The following ADGRV1 variants were observed in gnomAD, a reference collection of about 807,000 sequenced individuals.
ADGRV1 encodes G-protein coupled receptor 98.
In ADGRV1, 359 loss-of-function variants were observed where a neutral mutation model predicts 596.2. That is an observed-to-expected ratio of 0.60 (90% CI 0.55 to 0.66). The LOEUF (loss-of-function observed/expected upper bound fraction) is 0.66. Among genes scored for constraint, ADGRV1 ranks in the 30% least tolerant of loss-of-function variants. The pLI is 0.00. For missense variants in ADGRV1, 7,274 were observed against 7,575.6 expected (o/e 0.96, Z 1.48); for synonymous variants, 2,681 against 2,679.2 (o/e 1.00, Z -0.02).
intron 1 of ADGRV1, among the ~76,000 whole-genome samples, chr5:90,595,619 C>T: frequency 7.5e-6 from 1 of 132,946 alleles, no homozygotes; most frequent in African/African-American, 3.1e-5. Context: ...GGGGCTGACC[C>T]CCCCACCTCC....
Position 90,840,893 on chromosome 5 carries a change from A to G in ADGRV1, c.16927A>G (p.Ile5643Val), listed in dbSNP as rs771725146. Residue 5643 changes from isoleucine (I) to valine (V), a missense_variant, in exon 78 of 90, where the codon ATT becomes GTT. Physicochemically the swap from Ile to Val is conservative, Grantham distance 29. This residue lies in a region of ADGRV1 where 1,874 missense variants were observed against 1,970.2 expected (regional missense o/e 0.95). Transcript: ENST00000405460. ...GCTACATCAGCCTGTGAATGATGAT[A>G]TTCTCAACAGAGTGCTCCATACCAT... is the stretch of plus-strand genomic sequence containing the variant. ...DQLHQPVNDD[I>V]LNRVLHTISM... 1 of 1,596,324 alleles carries G rather than the reference A, an allele frequency of 6.3e-7. No homozygotes were observed. Among genetic ancestry groups the G allele is most frequent in the South Asian group, 1.1e-5 (1 of 87,978 alleles).
intron 83 of ADGRV1, among the ~76,000 whole-genome samples, chr5:90,961,487 CAAAAAA>C (rs34654014): frequency 6.4e-5 from 3 of 46,518 alleles, no homozygotes; most frequent in Non-Finnish European, 8.4e-5. Flanking sequence ...GACTCCGTCT[CAAAAAA>C]AAAAAAAAAA....
chr5:90,889,304 G>C (rs1035494906), intron 83 of ADGRV1, among the ~76,000 whole-genome samples: 5 of 152,020 alleles, frequency 3.3e-5, no homozygotes, highest in African/African-American at 1.2e-4. Context: ...AATATTAATT[G>C]CTTTTCATAC....
In ADGRV1 at chr5:90,652,555, A is replaced by G. The variant is rs777504484; in HGVS notation, c.3626A>G (p.Asn1209Ser). ...FNEFYFLKLV[N>S]ISGGSPGPGG... is the part of the protein sequence containing the mutation. ...GAATTTTATTTCCTAAAACTTGTAAACATTTCAGGTACTGTGTTTTTCCAT... is the reference window on the plus strand; with the variant it reads ...GAATTTTATTTCCTAAAACTTGTAAGCATTTCAGGTACTGTGTTTTTCCAT... The change falls in exon 19 of 90, where the codon AAC becomes AGC. Residue 1209 changes from asparagine to serine, a missense_variant. By Grantham distance (46) the Asn-to-Ser change is conservative. Coordinates refer to ENST00000405460, the MANE Select transcript of ADGRV1 (RefSeq NM_032119.4). 2 of 1,592,704 alleles carry G rather than the reference A, an allele frequency of 1.3e-6. No homozygotes were observed. Among genetic ancestry groups the G allele is most frequent in the Non-Finnish European group, 1.7e-6 (2 of 1,162,942 alleles).
chr5:90,883,386 C>A (rs187421930), intron 83 of ADGRV1, among the ~76,000 whole-genome samples: 14 of 152,180 alleles, frequency 9.2e-5, no homozygotes, highest in African/African-American at 3.4e-4. Context: ...CTTCTTTCTT[C>A]CTATTACTTT....
At chr5:91,008,779 G>C (rs1240869521) in intron 85 of ADGRV1, among the ~76,000 whole-genome samples, 1 of 152,128 alleles carries the variant, frequency 6.6e-6, no homozygotes, top group Non-Finnish European at 1.5e-5. Context: ...GGGATTACAA[G>C]TGTTAGCCAC....
chr5:91,155,869 G>T (rs1418617166), intron 89 of ADGRV1, among the ~76,000 whole-genome samples: 1 of 152,130 alleles, frequency 6.6e-6, no homozygotes, highest in Non-Finnish European at 1.5e-5. Context: ...TATCAGAAAG[G>T]CTGGGAGGTT....
chr5:90,837,194 TTA>T (rs1383784281), intron 77 of ADGRV1, among the ~76,000 whole-genome samples: 2 of 152,144 alleles, frequency 1.3e-5, no homozygotes, highest in Non-Finnish European at 2.9e-5. Flanking sequence ...ATTATTCTAG[TTA>T]TCTTTCAGTT....
Position 90,721,102 on chromosome 5 carries a change from A to G in ADGRV1, c.9748+43A>G, listed in dbSNP as rs1455093685. 3 of 1,557,186 alleles carry G rather than the reference A, an allele frequency of 1.9e-6. 1 individual carries two copies. In the South Asian group the frequency reaches 3.4e-5, roughly 18 times the overall value. On this transcript the variant is annotated intron_variant, in intron 45 of 89. Transcript: ENST00000405460. ...TGAGAACAAAATTCTGTAACGAAAA[A>G]ATATTGCATGTATAAGATTTATATT...
intron 83 of ADGRV1, among the ~76,000 whole-genome samples, chr5:90,870,890 A>G (rs1282565882): frequency 6.6e-6 from 1 of 152,178 alleles, no homozygotes; most frequent in African/African-American, 2.4e-5. Context: ...TCTTTGATCC[A>G]TGTGTTTATT....
chr5:90,805,049 T>C, intron 71 of ADGRV1: 1 of 327,144 alleles, frequency 3.1e-6, no homozygotes, highest in Non-Finnish European at 5.5e-6. Context: ...ATGTTGTTCA[T>C]TCAAAAGATA....
intron 1 of ADGRV1, among the ~76,000 whole-genome samples, chr5:90,596,427 G>A (rs1425398337): frequency 1.3e-5 from 2 of 151,880 alleles, no homozygotes; most frequent in Non-Finnish European, 2.9e-5. Flanking sequence ...ACTTTGGGAG[G>A]CCAAGGCAGG....
intron 1 of ADGRV1, among the ~76,000 whole-genome samples, chr5:90,606,990 T>G (rs1278193728): frequency 6.6e-6 from 1 of 152,226 alleles, no homozygotes; most frequent in Non-Finnish European, 1.5e-5. Flanking sequence ...CATGATATTA[T>G]CCTTCCACTT....
intron 83 of ADGRV1, among the ~76,000 whole-genome samples, chr5:90,909,416 T>C (rs1257530289): frequency 6.6e-6 from 1 of 152,154 alleles, no homozygotes; most frequent in Non-Finnish European, 1.5e-5. Context: ...AACGTTTGCC[T>C]GGCTGAAGTC....
chr5:91,131,763 A>AGAT (rs1316872914), intron 87 of ADGRV1, among the ~76,000 whole-genome samples: 1 of 152,150 alleles, frequency 6.6e-6, no homozygotes, highest in Non-Finnish European at 1.5e-5. Context: ...CTCTGTTGAT[A>AGAT]GATTCTTTTG....
Position 90,863,778 on chromosome 5 carries a change from C to G in ADGRV1, c.17777C>G (p.Ser5926Cys). 1 of 1,613,258 alleles carries G rather than the reference C, an allele frequency of 6.2e-7. No individual in the cohort carries two copies. Among genetic ancestry groups the G allele is most frequent in the South Asian group, 1.1e-5 (1 of 91,060 alleles). ...ACAGGTCTTTGCTTGGCTGTTCTTT[C>G]CCATATCTTCTGTGCCAGGTACTCC... ...CISGLCLAVLSHIFCARYSMF... is the reference protein window; with the variant it reads ...CISGLCLAVLCHIFCARYSMF... Residue 5926 changes from serine to cysteine, a missense_variant, in exon 83 of 90, where the codon TCC becomes TGC. Ser to Cys is a moderately radical substitution (Grantham distance 112). Around this residue, in one of 5 missense-constraint regions of ADGRV1, gnomAD observed 1,874 missense variants for 1,970.2 expected, o/e 0.95. Transcript: ENST00000405460.
At chr5:90,699,298 A>T (rs2149668203) in intron 34 of ADGRV1, among the ~76,000 whole-genome samples, 1 of 152,166 alleles carries the variant, frequency 6.6e-6, no homozygotes, top group East Asian at 1.9e-4. Flanking sequence ...ACAAAACACA[A>T]ATCCCTGTCC....
intron 70 of ADGRV1, among the ~76,000 whole-genome samples, chr5:90,797,099 A>G (rs1435890261): frequency 1.3e-5 from 2 of 152,126 alleles, no homozygotes; most frequent in African/African-American, 2.4e-5. Flanking sequence ...TCATGATGAC[A>G]TGATCAAATT....
At chr5:90,598,254 G>A (rs1760958363) in intron 1 of ADGRV1, among the ~76,000 whole-genome samples, 1 of 152,164 alleles carries the variant, frequency 6.6e-6, no homozygotes, top group Admixed American at 6.5e-5. Flanking sequence ...CTTTTTGAAT[G>A]CCATTGAATG....
Sources: allele counts gnomAD v4.1 joint callset (sites outside exome capture counted in the v4.1 genomes callset), GRCh38; gene constraint gnomAD v4.1.1; regional missense constraint gnomAD v4.1.1; transcripts MANE v1.5; gene names NCBI Gene and HGNC (gene_info 2026-07-23, HGNC 2026-07-21).